The following RBFOX1 variants were observed in gnomAD, a reference collection of about 807,000 sequenced individuals.
RBFOX1 encodes RNA binding protein fox-1 homolog 1.
A neutral mutation model predicts 57.7 loss-of-function variants in RBFOX1; 8 were observed. The observed-to-expected ratio is 0.14, with a 90% confidence interval of 0.08 to 0.25. RBFOX1 has a LOEUF of 0.25. Among genes scored for constraint, RBFOX1 ranks in the 10% least tolerant of loss-of-function variants. The pLI is 1.00. For missense variants in RBFOX1, 611 were observed against 548.5 expected, an observed-to-expected ratio of 1.11 and a Z score of -1.14; for synonymous variants, 326 against 222.4, an observed-to-expected ratio of 1.47 and a Z score of -4.15.
In RBFOX1 at chr16:6,841,639, C is replaced by T. The variant is rs143185143; in HGVS notation, c.-16+186989C>T. ...AAACTCTCACGAATGCTTTTGGTTC[C>T]TGCCGGCTCTTGAGTAGTAACAGAG... On this transcript the variant is annotated intron_variant, in intron 3 of 15. Transcript: ENST00000550418. 2.0e-5 allele frequency among the ~76,000 whole-genome samples: 3 copies of T among 152,216 alleles called. No individual in the cohort carries two copies. In the East Asian group the frequency reaches 5.8e-4, roughly 29 times the overall value.
At chr16:6,864,419 A>G (rs920080350) in intron 3 of RBFOX1, among the ~76,000 whole-genome samples, 8 of 152,170 alleles carry the variant, frequency 5.3e-5, no homozygotes, top group Non-Finnish European at 8.8e-5. Context: ...ATTTTGTGAA[A>G]TCACCAACAA....
intron 4 of RBFOX1, among the ~76,000 whole-genome samples, chr16:7,100,740 G>A (rs2062547230): frequency 6.6e-6 from 1 of 151,950 alleles, no homozygotes; most frequent in Non-Finnish European, 1.5e-5. Context: ...AGGACTCAGA[G>A]GGGGAAAAAA....
At chr16:7,390,458 A>G (rs1159968742) in intron 4 of RBFOX1, among the ~76,000 whole-genome samples, 2 of 152,220 alleles carry the variant, frequency 1.3e-5, no homozygotes, top group Non-Finnish European at 2.9e-5. Flanking sequence ...CCTTACTCAC[A>G]TCTTCTAACC....
intron 3 of RBFOX1, among the ~76,000 whole-genome samples, chr16:5,727,183 C>A (rs1211334678): frequency 6.6e-6 from 1 of 152,086 alleles, no homozygotes; most frequent in Non-Finnish European, 1.5e-5. Context: ...AGGAGAATTG[C>A]TTGAAGTGAA....
chr16:5,599,534 C>G (rs910669661), exon 3 of RBFOX1: 1 of 359,022 alleles, frequency 2.8e-6, no homozygotes, highest in Non-Finnish European at 5.0e-6. Context: ...CACCGCCTCT[C>G]GGCAATGCAA....
rs556141111 is a variant in RBFOX1, at chr16:7,707,086, G to C, written c.996-1970G>C. Among the ~76,000 whole-genome samples the C allele has an allele frequency of 1.1e-3, 172 of 152,334 alleles. 1 individual carries two copies. Among genetic ancestry groups the C allele is most frequent in the Non-Finnish European group, 2.1e-3 (146 of 68,038 alleles). ...TCACTGACAGATTCACCTCAGAAGA[G>C]AGGCATCCCTTCAGGTCCTTGTTTG... is the stretch of plus-strand genomic sequence containing the variant. On this transcript the variant is annotated intron_variant, in intron 14 of 15. Coordinates refer to ENST00000550418, the MANE Select transcript of RBFOX1 (RefSeq NM_018723.4).
chr16:6,570,189 C>T (rs1314583228), intron 2 of RBFOX1, among the ~76,000 whole-genome samples: 5 of 152,148 alleles, frequency 3.3e-5, no homozygotes, highest in East Asian at 3.9e-4. Context: ...TACAAGGACA[C>T]GATTTCATTG....
chr16:5,994,172 A>T (rs1046196868), intron 4 of RBFOX1, among the ~76,000 whole-genome samples: 1 of 151,828 alleles, frequency 6.6e-6, no homozygotes, highest in East Asian at 1.9e-4. Flanking sequence ...TTTTTTGTTT[A>T]TGTTTTTGAG....
intron 3 of RBFOX1, among the ~76,000 whole-genome samples, chr16:6,700,263 C>T (rs1041013264): frequency 6.6e-6 from 1 of 152,080 alleles, no homozygotes; most frequent in African/African-American, 2.4e-5. Context: ...CTCTCAATAG[C>T]TGAACCCAAG....
At chr16:7,198,782 C>G (rs1223761734) in intron 4 of RBFOX1, among the ~76,000 whole-genome samples, 1 of 152,206 alleles carries the variant, frequency 6.6e-6, no homozygotes, top group Non-Finnish European at 1.5e-5. Flanking sequence ...TACTGGGCCT[C>G]ACCTCCCAAC....
At chr16:6,575,295 G>A (rs1567738369) in intron 2 of RBFOX1, among the ~76,000 whole-genome samples, 1 of 152,092 alleles carries the variant, frequency 6.6e-6, no homozygotes, top group South Asian at 2.1e-4. Context: ...TATGCATGTT[G>A]TTTGGTCCTT....
Position 5,868,369 on chromosome 16 carries a change from A to C in RBFOX1, c.351+1034A>C, listed in dbSNP as rs182830440. On this transcript the variant is annotated intron_variant, in intron 4 of 19. Transcript: ENST00000641259. ...CACCAAAGTCTGATTTTTCAAGTTC[A>C]AGAAATTGCAACCTCAGGCATAAAT... Among the ~76,000 whole-genome samples, 35 of 152,344 alleles carry C rather than the reference A, an allele frequency of 2.3e-4. No homozygotes were observed. The East Asian group carries it at 6.6e-3, about 29-fold the overall frequency.
intron 3 of RBFOX1, among the ~76,000 whole-genome samples, chr16:6,816,737 CAA>C (rs1181907817): frequency 2.4e-4 from 23 of 95,608 alleles, no homozygotes; most frequent in Admixed American, 3.5e-4. Context: ...AAGACTGTCT[CAA>C]AAAAAAAAAA....
In RBFOX1 at chr16:5,701,476, ATT is replaced by A. The variant is rs35222251; in HGVS notation, c.318+102526_318+102527del. 9.0e-3 allele frequency among the ~76,000 whole-genome samples: 1,354 copies of A among 150,322 alleles called. 28 individuals are homozygous for A. The highest frequency in any genetic ancestry group is 0.031 in the African/African-American group (1,276 of 40,906). On this transcript the variant is annotated intron_variant, in intron 3 of 19. Coordinates refer to the RBFOX1 transcript ENST00000641259. Reference sequence around the variant, plus strand: ...TTCCTCCATGTACAAAGGATGGAAGATTTTTTTTTTTTCTGGAATGCAGTAGC... The same window carrying A: ...TTCCTCCATGTACAAAGGATGGAAGATTTTTTTTTTCTGGAATGCAGTAGC...
At position 7,120,836 on chromosome 16, in the gene RBFOX1, C is replaced by T. The variant is rs921823013; in HGVS notation, c.27+68738C>T. The stretch of plus-strand genomic sequence containing the variant: ...TATTTTATATATGTATATATACACA[C>T]ACACACACACACACACACACACATA... On this transcript the variant is annotated intron_variant, in intron 4 of 15. Transcript: ENST00000550418. Among the ~76,000 whole-genome samples, 206 of 140,854 alleles carry T rather than the reference C, an allele frequency of 1.5e-3. 1 individual carries two copies. The highest frequency in any genetic ancestry group is 2.3e-3 in the Non-Finnish European group (151 of 65,130). The allele number at this position is 140,854 out of a possible 152,430, so 92.4% of individuals were successfully genotyped here. A position where few individuals can be genotyped will look rare whatever the true frequency, so the allele number is the denominator to read the frequency against.
chr16:7,081,339 C>G (rs774495396), intron 4 of RBFOX1, among the ~76,000 whole-genome samples: 1 of 152,140 alleles, frequency 6.6e-6, no homozygotes, highest in Non-Finnish European at 1.5e-5. Context: ...CCGGCCCACA[C>G]TGGCCTTATT....
chr16:6,560,210 A>G (rs1240496834), intron 2 of RBFOX1, among the ~76,000 whole-genome samples: 1 of 150,902 alleles, frequency 6.6e-6, no homozygotes, highest in African/African-American at 2.4e-5. Context: ...GCCCTCATGA[A>G]GTCAATATTC....
At chr16:6,467,981 C>G (rs1403362865) in intron 2 of RBFOX1, among the ~76,000 whole-genome samples, 2 of 152,150 alleles carry the variant, frequency 1.3e-5, no homozygotes, top group Admixed American at 6.5e-5. Context: ...TAATGGTCAT[C>G]TTAGCACCAG....
At chr16:6,707,993 A>G (rs190996990) in intron 3 of RBFOX1, among the ~76,000 whole-genome samples, 77 of 152,280 alleles carry the variant, frequency 5.1e-4, no homozygotes, top group Middle Eastern at 6.8e-3. Context: ...GACATCAGGT[A>G]GTGCTGTGGA....
Sources: allele counts gnomAD v4.1 joint callset (sites outside exome capture counted in the v4.1 genomes callset), GRCh38; gene constraint gnomAD v4.1.1; transcripts MANE v1.5; gene names NCBI Gene and HGNC (gene_info 2026-07-23, HGNC 2026-07-21).